Variants in PHACTR3 observed in about 807,000 individuals in gnomAD.
The protein encoded by PHACTR3 is phosphatase and actin regulator 3.
Under a neutral mutation model 66.8 loss-of-function variants are expected in PHACTR3, and 16 were observed. That is an observed-to-expected ratio of 0.24 (90% CI 0.16 to 0.36). The LOEUF (loss-of-function observed/expected upper bound fraction) is 0.36. Ranked by LOEUF, PHACTR3 falls within the 10% of genes least tolerant of loss-of-function variation. PHACTR3 has a pLI of 1.00. For missense variants in PHACTR3, 647 were observed against 719.9 expected, an observed-to-expected ratio of 0.90 and a Z score of 1.16; for synonymous variants, 323 against 292.1, an observed-to-expected ratio of 1.11 and a Z score of -1.08.
At chr20:59,732,308 C>T (rs1457154567) in intron 1 of PHACTR3, among the ~76,000 whole-genome samples, 4 of 152,306 alleles carry the variant, frequency 2.6e-5, no homozygotes, top group South Asian at 2.1e-4. Flanking sequence ...TGACCTTGAA[C>T]GAGTGCTTTC....
chr20:59,661,067 A>G (rs1328389074), intron 1 of PHACTR3, among the ~76,000 whole-genome samples: 2 of 152,216 alleles, frequency 1.3e-5, no homozygotes, highest in East Asian at 3.9e-4. Flanking sequence ...AGAATTTTAA[A>G]GTGGGCAGTG....
At chr20:59,781,775 G>T (rs764411826) in intron 7 of PHACTR3, among the ~76,000 whole-genome samples, 1 of 152,106 alleles carries the variant, frequency 6.6e-6, no homozygotes, top group Non-Finnish European at 1.5e-5. Flanking sequence ...AGCACAGCCT[G>T]CCCCACTGTG....
intron 8 of PHACTR3, among the ~76,000 whole-genome samples, chr20:59,806,777 AC>A (rs2041584625): frequency 6.6e-6 from 1 of 152,088 alleles, no homozygotes; most frequent in Non-Finnish European, 1.5e-5. Context: ...CACTACACAA[AC>A]CCAGAGGGCG....
At chr20:59,800,587 T>A (rs1363583243) in intron 7 of PHACTR3, among the ~76,000 whole-genome samples, 1 of 152,236 alleles carries the variant, frequency 6.6e-6, no homozygotes, top group African/African-American at 2.4e-5. Flanking sequence ...TGTACACTTT[T>A]AATATTTTCT....
chr20:59,847,283 A>C lies in PHACTR3; in HGVS notation c.*153A>C, dbSNP rs2059167982. 1 of 510,334 alleles carries C rather than the reference A, an allele frequency of 2.0e-6. No individual in the cohort carries two copies. The highest frequency in any genetic ancestry group is 3.6e-6 in the Non-Finnish European group (1 of 278,842). The allele number at this position is 510,334 out of a possible 1,614,324, so 31.6% of individuals were successfully genotyped here. ...CACACACAGGTGCAATCTTGACCACACTTACCTGCAAGAGGAGTAACCAGA... is the reference window on the plus strand; with the variant it reads ...CACACACAGGTGCAATCTTGACCACCCTTACCTGCAAGAGGAGTAACCAGA... On this transcript the variant is annotated 3_prime_UTR_variant, in exon 13 of 13. Coordinates refer to ENST00000371015, the MANE Select transcript of PHACTR3 (RefSeq NM_080672.5).
intron 1 of PHACTR3, among the ~76,000 whole-genome samples, chr20:59,656,307 A>C (rs1048081088): frequency 2.0e-5 from 3 of 151,664 alleles, no homozygotes; most frequent in African/African-American, 7.3e-5. Flanking sequence ...TATTTGCTTC[A>C]TATATTTTGG....
At chr20:59,641,716 C>A (rs987533638) in intron 1 of PHACTR3, among the ~76,000 whole-genome samples, 5 of 152,210 alleles carry the variant, frequency 3.3e-5, no homozygotes, top group African/African-American at 9.6e-5. Context: ...CCATCCCATG[C>A]ATATCTATAG....
At chr20:59,834,552 T>C (rs1045105665) in intron 8 of PHACTR3, among the ~76,000 whole-genome samples, 3 of 152,212 alleles carry the variant, frequency 2.0e-5, no homozygotes, top group African/African-American at 7.2e-5. Context: ...TCTGTGTAAC[T>C]CTCTCAGAAG....
chr20:59,774,575 G>T, intron 7 of PHACTR3, 85 bp downstream of exon 7: 3 of 1,522,842 alleles, frequency 2.0e-6, no homozygotes, highest in South Asian at 1.3e-5. Flanking sequence ...GCTCGTGCCT[G>T]GGGGAGGAAC....
intron 1 of PHACTR3, among the ~76,000 whole-genome samples, chr20:59,720,453 A>C (rs1438821040): frequency 6.6e-6 from 1 of 152,140 alleles, no homozygotes; most frequent in African/African-American, 2.4e-5. Flanking sequence ...GTAGTCCAGT[A>C]ATTTTATCTC....
At chr20:59,656,646 G>A (rs1357998793) in intron 1 of PHACTR3, among the ~76,000 whole-genome samples, 6 of 151,896 alleles carry the variant, frequency 4.0e-5, no homozygotes, top group African/African-American at 1.4e-4. Flanking sequence ...TTGTTATAAT[G>A]GATATAGTTA....
intron 8 of PHACTR3, among the ~76,000 whole-genome samples, chr20:59,817,701 C>A (rs1454319325): frequency 6.6e-6 from 1 of 152,216 alleles, no homozygotes. Flanking sequence ...GGCCATCACC[C>A]CTGGCCACAT....
chr20:59,741,296 G>A (rs1348203870), intron 1 of PHACTR3, among the ~76,000 whole-genome samples: 1 of 152,234 alleles, frequency 6.6e-6, no homozygotes, highest in Non-Finnish European at 1.5e-5. Flanking sequence ...CAGCTGTCGG[G>A]GAGTGTGTAT....
chr20:59,709,988 C>G (rs536035153), intron 1 of PHACTR3, among the ~76,000 whole-genome samples: 1 of 152,182 alleles, frequency 6.6e-6, no homozygotes, highest in African/African-American at 2.4e-5. Flanking sequence ...TTTGCAGAAC[C>G]TGTTGTGTTC....
At chr20:59,841,268 T>A in intron 10 of PHACTR3, 127 bp from the exon 11 acceptor site, 1 of 907,298 alleles carries the variant, frequency 1.1e-6, no homozygotes, top group Non-Finnish European at 1.6e-6. Context: ...TGTATTTGGG[T>A]TATATTTTCC....
At chr20:59,663,210 T>C (rs1224036675) in intron 1 of PHACTR3, among the ~76,000 whole-genome samples, 1 of 152,244 alleles carries the variant, frequency 6.6e-6, no homozygotes, top group African/African-American at 2.4e-5. Flanking sequence ...TAGGCTAGCA[T>C]GGTCTCATTT....
upstream of PHACTR3, among the ~76,000 whole-genome samples, chr20:59,601,266 G>A (rs1375090759): frequency 6.6e-6 from 1 of 152,198 alleles, no homozygotes; most frequent in Non-Finnish European, 1.5e-5. Context: ...ATGTTTTCCA[G>A]GTTCATCTGC....
chr20:59,632,759 A>G (rs2034712314), intron 1 of PHACTR3, among the ~76,000 whole-genome samples: 1 of 152,152 alleles, frequency 6.6e-6, no homozygotes, highest in Non-Finnish European at 1.5e-5. Context: ...AGGGCTCATG[A>G]AAGTGCCCAG....
At chr20:59,742,275 G>C (rs960944609) in intron 1 of PHACTR3, among the ~76,000 whole-genome samples, 3 of 151,512 alleles carry the variant, frequency 2.0e-5, no homozygotes, top group Admixed American at 1.3e-4. Flanking sequence ...TGGTTGACAG[G>C]ACAGACGATG....
Sources: gnomAD v4.1 joint callset for allele counts (sites outside exome capture counted in the v4.1 genomes callset) on GRCh38, gnomAD v4.1.1 for gene constraint, MANE v1.5 for transcripts, NCBI Gene and HGNC (gene_info 2026-07-23, HGNC 2026-07-21) for gene names.